Variants in CAPRIN1 observed in about 807,000 individuals in gnomAD.
CAPRIN1 encodes the protein caprin-1.
In CAPRIN1, 29 loss-of-function variants were observed where a neutral mutation model predicts 100.9. The ratio of observed to expected loss-of-function variants is 0.29; its 90% confidence interval spans 0.21 to 0.39. The LOEUF (loss-of-function observed/expected upper bound fraction) is 0.39, where lower values mean the gene tolerates loss of function less well. CAPRIN1 is among the 10% of genes least tolerant of loss of function. The pLI is 1.00. For synonymous variants in CAPRIN1, 338 were observed against 307.5 expected (o/e 1.10, Z -1.04); for missense variants, 795 against 876.7 (o/e 0.91, Z 1.18).
chr11:34,089,336 G>T, intron 11 of CAPRIN1, 59 bp from the exon 12 acceptor site: 15 of 662,712 alleles, frequency 2.3e-5, no homozygotes, highest in Non-Finnish European at 3.5e-5. Context: ...AAGGTATTTA[G>T]ACGCGTCTCT....
At chr11:34,081,067 T>C (rs899509154) in intron 7 of CAPRIN1, among the ~76,000 whole-genome samples, 1 of 152,208 alleles carries the variant, frequency 6.6e-6, no homozygotes, top group African/African-American at 2.4e-5. Flanking sequence ...CTGTTGAACC[T>C]AAAGTAATTC....
intron 4 of CAPRIN1, among the ~76,000 whole-genome samples, chr11:34,074,737 G>A (rs1850873512): frequency 6.6e-6 from 1 of 152,196 alleles, no homozygotes; most frequent in African/African-American, 2.4e-5. Context: ...ACAAAAATTA[G>A]CCGGGCTTGG....
intron 11 of CAPRIN1, among the ~76,000 whole-genome samples, chr11:34,086,898 CT>C (rs1464789488): frequency 6.6e-6 from 1 of 152,024 alleles, no homozygotes; most frequent in African/African-American, 2.4e-5. Context: ...ATAGAGGTGC[CT>C]TTTTTTGAAT....
rs1057211761 is a variant in CAPRIN1, at chr11:34,100,633, T to C, written c.*1266T>C. ...TCTAGTACTTGCACTTATTATCTTT[T>C]GTCTAATTTAACCTTAACTGAATTC... On this transcript the variant is annotated 3_prime_UTR_variant, in exon 19 of 19. Transcript: ENST00000341394. 6.6e-6 allele frequency: 1 copy of C among 152,324 alleles called. No individual in the cohort carries two copies. The highest frequency in any genetic ancestry group is 2.4e-5 in the African/African-American group (1 of 41,470). 9.4% of individuals were successfully genotyped at this position (152,324 alleles called of 1,614,324 possible).
chr11:34,095,157 A>G (rs1851344959), intron 15 of CAPRIN1, among the ~76,000 whole-genome samples: 1 of 152,102 alleles, frequency 6.6e-6, no homozygotes. Flanking sequence ...TGGCCTCCCA[A>G]AGTGCTGGGA....
intron 2 of CAPRIN1, among the ~76,000 whole-genome samples, chr11:34,067,629 A>G (rs1476674938): frequency 6.6e-6 from 1 of 152,084 alleles, no homozygotes; most frequent in African/African-American, 2.4e-5. Flanking sequence ...AGCTAGGACC[A>G]TAGGCACTAA....
intron 2 of CAPRIN1, among the ~76,000 whole-genome samples, chr11:34,055,467 A>G (rs1403686369): frequency 1.3e-5 from 2 of 152,160 alleles, no homozygotes; most frequent in Non-Finnish European, 2.9e-5. Flanking sequence ...AGCTGGGGTT[A>G]CAGGCACCTG....
At chr11:34,091,724 T>C in intron 14 of CAPRIN1, 182 bp from the exon 15 acceptor site, 2 of 585,890 alleles carry the variant, frequency 3.4e-6, no homozygotes, top group Non-Finnish European at 6.0e-6. Context: ...CTATATGGTA[T>C]ATATGTCTTT....
At chr11:34,070,951 C>T (rs2134103008) in intron 2 of CAPRIN1, among the ~76,000 whole-genome samples, 1 of 152,288 alleles carries the variant, frequency 6.6e-6, no homozygotes. Flanking sequence ...ATCCGCCCAC[C>T]TTGGCCTCCC....
chr11:34,096,302 G>C, intron 15 of CAPRIN1, 177 bp from the exon 16 acceptor site: 1 of 524,544 alleles, frequency 1.9e-6, no homozygotes, highest in Non-Finnish European at 3.3e-6. Flanking sequence ...CTGAGTCTAA[G>C]GGTAGGAGAA....
chr11:34,084,341 AC>A (rs1040161622), intron 9 of CAPRIN1, among the ~76,000 whole-genome samples: 4 of 152,154 alleles, frequency 2.6e-5, no homozygotes, highest in South Asian at 2.1e-4. Flanking sequence ...GTAGGCACTT[AC>A]CCCAGAAAGG....
At chr11:34,075,803 T>C (rs1218112820) in intron 4 of CAPRIN1, among the ~76,000 whole-genome samples, 1 of 152,262 alleles carries the variant, frequency 6.6e-6, no homozygotes, top group Admixed American at 6.5e-5. Context: ...ATTTTTACTT[T>C]TTATATGCAT....
intron 1 of CAPRIN1, 72 bp from the exon 2 acceptor site, chr11:34,052,349 C>T: frequency 8.0e-7 from 1 of 1,246,974 alleles, no homozygotes; most frequent in Non-Finnish European, 1.1e-6. Flanking sequence ...CCGCGTCTCG[C>T]CCCGTCCGTC....
At chr11:34,071,554 ACT>A (rs994631905) in intron 2 of CAPRIN1, among the ~76,000 whole-genome samples, 170 bp from the exon 3 acceptor site, 4 of 151,956 alleles carry the variant, frequency 2.6e-5, no homozygotes, top group African/African-American at 7.3e-5. Context: ...GACGAGCGAA[ACT>A]CTGTCTCAAA....
intron 4 of CAPRIN1, among the ~76,000 whole-genome samples, 183 bp downstream of exon 4, chr11:34,072,170 A>G (rs926467536): frequency 2.6e-5 from 4 of 152,122 alleles, no homozygotes; most frequent in African/African-American, 9.7e-5. Flanking sequence ...AAAAATACTA[A>G]GTTTGAAATT....
At chr11:34,075,063 T>C (rs1183461297) in intron 4 of CAPRIN1, among the ~76,000 whole-genome samples, 1 of 152,126 alleles carries the variant, frequency 6.6e-6, no homozygotes, top group African/African-American at 2.4e-5. Context: ...TTTTTTTTTT[T>C]TCTTGAGACA....
chr11:34,064,309 A>G (rs1850642964), intron 2 of CAPRIN1, among the ~76,000 whole-genome samples: 4 of 152,176 alleles, frequency 2.6e-5, no homozygotes, highest in Admixed American at 2.6e-4. Flanking sequence ...TATTCCTTGT[A>G]TATTCGCTTA....
chr11:34,084,282 T>A (rs1339673408), intron 9 of CAPRIN1, among the ~76,000 whole-genome samples: 1 of 152,058 alleles, frequency 6.6e-6, no homozygotes, highest in Non-Finnish European at 1.5e-5. Flanking sequence ...GCCAGCAACT[T>A]CATCCCTCTG....
At position 34,096,506 on chromosome 11, in the gene CAPRIN1, A is replaced by C; in HGVS notation, c.1733A>C (p.Asp578Ala). 6.2e-7 allele frequency: 1 copy of C among 1,614,028 alleles called. No homozygotes were observed. The highest frequency in any genetic ancestry group is 8.5e-7 in the Non-Finnish European group (1 of 1,179,956). The change falls in exon 16 of 19, where the codon GAC (aspartate) becomes GCC (alanine). Residue 578 changes from aspartate to alanine, a missense_variant. This residue lies in a region of CAPRIN1 where 648 missense variants were observed against 697.9 expected (regional missense o/e 0.93). Coordinates refer to ENST00000341394, the MANE Select transcript of CAPRIN1 (RefSeq NM_005898.5). ...GTTGGCACTTACCATGGTTCCCCAG[A>C]CCAGTCCCATCAAGTGACTGGTAAC... is the stretch of plus-strand genomic sequence containing the variant. ...TVVGTYHGSP[D>A]QSHQVTGNHQ...
Sources: gnomAD v4.1 joint callset for allele counts (sites outside exome capture counted in the v4.1 genomes callset) on GRCh38, gnomAD v4.1.1 for gene constraint, gnomAD v4.1.1 regional missense constraint, MANE v1.5 for transcripts, NCBI Gene and HGNC (gene_info 2026-07-23, HGNC 2026-07-21) for gene names.